The following DRD3 variants were observed in gnomAD, a reference collection of about 807,000 sequenced individuals.
DRD3 encodes D(3) dopamine receptor.
A neutral mutation model predicts 36.3 loss-of-function variants in DRD3; 19 were observed. The observed-to-expected ratio is 0.52, with a 90% CI of 0.36 to 0.77. The LOEUF (loss-of-function observed/expected upper bound fraction) is 0.77, where lower values mean the gene tolerates loss of function less well. DRD3 is among the 30% of genes least tolerant of loss of function. The probability of loss-of-function intolerance (pLI) is 0.00; values close to 1 mark genes in which losing one functional copy is unlikely to be tolerated. For missense variants in DRD3, 465 were observed against 505.3 expected (o/e 0.92, Z 0.77); for synonymous variants, 195 against 203.7 (o/e 0.96, Z 0.36).
intron 1 of DRD3, among the ~76,000 whole-genome samples, chr3:114,198,770 C>T (rs1186515717): frequency 6.6e-6 from 1 of 151,974 alleles, no homozygotes; most frequent in East Asian, 1.9e-4. Flanking sequence ...CAAGGTCTTG[C>T]TCTGTTGCCC....
At chr3:114,164,329 T>C (rs2077762886) in intron 2 of DRD3, among the ~76,000 whole-genome samples, 1 of 151,492 alleles carries the variant, frequency 6.6e-6, no homozygotes, top group South Asian at 2.1e-4. Flanking sequence ...TAACTCACTT[T>C]AGAATTATAC....
intron 6 of DRD3, among the ~76,000 whole-genome samples, chr3:114,130,647 T>C (rs1048876623): frequency 2.0e-5 from 3 of 152,070 alleles, no homozygotes; most frequent in African/African-American, 4.8e-5. Context: ...ATGGTCTCGA[T>C]CTCCTGACCT....
chr3:114,139,928 C>T (rs574295518), intron 4 of DRD3, among the ~76,000 whole-genome samples: 1 of 152,270 alleles, frequency 6.6e-6, no homozygotes, highest in Non-Finnish European at 1.5e-5. Flanking sequence ...AATCATACGC[C>T]AGACACTGGG....
intron 1 of DRD3, among the ~76,000 whole-genome samples, chr3:114,176,384 G>A (rs2077899299): frequency 6.6e-6 from 1 of 152,054 alleles, no homozygotes; most frequent in African/African-American, 2.4e-5. Context: ...GATCACTTGA[G>A]GCCAGGAGTT....
intron 4 of DRD3, among the ~76,000 whole-genome samples, chr3:114,141,092 C>T (rs1349258503): frequency 6.6e-6 from 1 of 152,220 alleles, no homozygotes; most frequent in Non-Finnish European, 1.5e-5. Context: ...AATCCAATGG[C>T]TCGATCTCGG....
At chr3:114,194,777 T>G (rs939502494) in intron 1 of DRD3, among the ~76,000 whole-genome samples, 12 of 152,180 alleles carry the variant, frequency 7.9e-5, no homozygotes, top group South Asian at 2.1e-4. Context: ...TTCCTACCAT[T>G]GCTTCCTTCC....
At chr3:114,156,149 T>C (rs2630350) in intron 3 of DRD3, among the ~76,000 whole-genome samples, 140,438 of 152,290 alleles carry the variant, frequency 0.92, 64,855 homozygotes, top group Non-Finnish European at 0.94. Context: ...AGCCACACCA[T>C]TAGTACTGGG....
intron 4 of DRD3, among the ~76,000 whole-genome samples, chr3:114,139,993 A>C (rs1041789171): frequency 6.6e-6 from 1 of 152,226 alleles, no homozygotes; most frequent in African/African-American, 2.4e-5. Flanking sequence ...AACAGTCTAG[A>C]TAGACAGATG....
At chr3:114,160,237 AT>A (rs944345240) in intron 2 of DRD3, among the ~76,000 whole-genome samples, 4 of 151,648 alleles carry the variant, frequency 2.6e-5, no homozygotes, top group African/African-American at 4.9e-5. Flanking sequence ...CTTCTTTTTT[AT>A]TTTTTTTAAA....
Position 114,131,265 on chromosome 3 carries a change from T to G in DRD3, c.859A>C (p.Ser287Arg), listed in dbSNP as rs2077427953. The change falls in exon 6 of 7, where the codon AGT becomes CGT. Residue 287 changes from serine (S) to arginine (R), a missense_variant. Ser to Arg is a moderately radical substitution (Grantham distance 110, BLOSUM62 -1). Transcript: ENST00000383673. ...KREEKTRNSL[S>R]PTIAPKLSLE... is the part of the protein sequence containing the mutation. ...CTGAGCTTGGGCGCTATGGTGGGAC[T>G]CAGGGAATTCCGAGTCTTCTCCTCT... 4 of 1,614,094 alleles carry G rather than the reference T, an allele frequency of 2.5e-6. No individual in the cohort carries two copies. Among genetic ancestry groups the G allele is most frequent in the Non-Finnish European group, 3.4e-6 (4 of 1,180,046 alleles).
chr3:114,168,674 G>A (rs1432660585), intron 2 of DRD3, among the ~76,000 whole-genome samples: 1 of 152,160 alleles, frequency 6.6e-6, no homozygotes, highest in African/African-American at 2.4e-5. Flanking sequence ...GCCAAGGATG[G>A]TGAAGAGGAA....
At chr3:114,156,910 T>TC (rs1216599502) in intron 3 of DRD3, among the ~76,000 whole-genome samples, 29 of 148,938 alleles carry the variant, frequency 1.9e-4, no homozygotes, top group African/African-American at 6.8e-4. Flanking sequence ...CTTCCTTCCT[T>TC]CTTTCCTTCC....
chr3:114,161,884 C>T (rs997061165), intron 2 of DRD3, among the ~76,000 whole-genome samples: 3 of 152,152 alleles, frequency 2.0e-5, no homozygotes, highest in Admixed American at 6.5e-5. Context: ...ATCTACTCTG[C>T]AGTTAATGTT....
chr3:114,131,286 C>T lies in DRD3; in HGVS notation c.838G>A (p.Glu280Lys), dbSNP rs1373463918. 1 of 1,614,200 alleles carries T rather than the reference C, an allele frequency of 6.2e-7. No individual in the cohort carries two copies. The highest frequency in any genetic ancestry group is 8.5e-7 in the Non-Finnish European group (1 of 1,180,032). Residue 280 changes from glutamate to lysine, a missense_variant, in exon 6 of 7, where the codon GAG becomes AAG. Coordinates refer to ENST00000383673, the MANE Select transcript of DRD3 (RefSeq NM_000796.6). ...QERGGELKREEKTRNSLSPTI... is the reference protein window; with the variant it reads ...QERGGELKREKKTRNSLSPTI... ...GGACTCAGGGAATTCCGAGTCTTCT[C>T]CTCTCTTTTCAACTCTCCTCCTCTT...
Position 114,128,910 on chromosome 3 carries a change from C to G in DRD3, c.1009G>C (p.Ala337Pro). The G allele has an allele frequency of 1.3e-6, 2 of 1,576,696 alleles. No homozygotes were observed. Among genetic ancestry groups the G allele is most frequent in the Non-Finnish European group, 1.7e-6 (2 of 1,162,474 alleles). Residue 337 changes from alanine to proline, a missense_variant and splice_region_variant, in exon 7 of 7, where the codon GCC (alanine) becomes CCC (proline). Transcript: ENST00000383673. Reference sequence around the variant, plus strand: ...AAGGGCAGCCAGCAGACAATGAAGGCCCCTAAGTTGCCAAATAAGAGAGAA... The same window carrying G: ...AAGGGCAGCCAGCAGACAATGAAGGGCCCTAAGTTGCCAAATAAGAGAGAA... Reference protein sequence around the residue: ...ATQMVAIVLGAFIVCWLPFFL... With the variant: ...ATQMVAIVLGPFIVCWLPFFL...
intron 4 of DRD3, among the ~76,000 whole-genome samples, chr3:114,142,964 C>T (rs7618379): frequency 0.034 from 5,241 of 152,250 alleles, 295 homozygotes; most frequent in African/African-American, 0.12. Context: ...TGCCCCAGCC[C>T]CCAGCAGGCC....
At chr3:114,139,769 C>G in intron 4 of DRD3, 73 bp from the exon 5 acceptor site, 2 of 1,451,132 alleles carry the variant, frequency 1.4e-6, no homozygotes, top group South Asian at 1.3e-5. Flanking sequence ...AAACACGGCT[C>G]CATGTCACGT....
rs1383514394 is a variant in DRD3 at position 114,156,781 on chromosome 3, TTC to T, written c.383+2972_383+2973del. ...TTTCTTTCTTTCTTTCTTTCTTTCTTTCTTTCTTTCTTTCTTTCTCTTTTCTT... is the reference window on the plus strand; with the variant it reads ...TTTCTTTCTTTCTTTCTTTCTTTCTTTTTCTTTCTTTCTTTCTCTTTTCTT... On this transcript the variant is annotated intron_variant, in intron 3 of 6. Coordinates refer to ENST00000383673, the MANE Select transcript of DRD3 (RefSeq NM_000796.6). Among the ~76,000 whole-genome samples, 6 of 124,770 alleles carry T rather than the reference TTC, an allele frequency of 4.8e-5. No homozygotes were observed. In the East Asian group the frequency reaches 9.3e-4, roughly 19 times the overall value. 81.9% of individuals were successfully genotyped at this position (124,770 alleles called of 152,430 possible).
intron 4 of DRD3, among the ~76,000 whole-genome samples, chr3:114,142,792 A>T (rs1165687543): frequency 6.6e-6 from 1 of 152,200 alleles, no homozygotes; most frequent in Non-Finnish European, 1.5e-5. Context: ...TAGTCAACGA[A>T]GGCTCTCACA....
Sources: allele counts gnomAD v4.1 joint callset (sites outside exome capture counted in the v4.1 genomes callset), GRCh38; gene constraint gnomAD v4.1.1; transcripts MANE v1.5; gene names NCBI Gene and HGNC (gene_info 2026-07-23, HGNC 2026-07-21).